Variants in PNO1 observed in about 807,000 individuals in gnomAD.
PNO1 encodes partner of NOB1 homolog.
A neutral mutation model predicts 28.4 loss-of-function variants in PNO1; 16 were observed. That is an observed-to-expected ratio of 0.56 (90% CI 0.38 to 0.85). The LOEUF is 0.85. PNO1 is among the 40% of genes least tolerant of loss of function. The pLI, the probability that PNO1 is intolerant of heterozygous loss-of-function variation, is 0.00. For synonymous variants in PNO1, 115 were observed against 110.8 expected (o/e 1.04, Z -0.24); for missense variants, 304 against 312.2 (o/e 0.97, Z 0.20).
At chr2:68,160,621 C>G (rs1673806808) in intron 2 of PNO1, among the ~76,000 whole-genome samples, 1 of 152,224 alleles carries the variant, frequency 6.6e-6, no homozygotes, top group African/African-American at 2.4e-5. Flanking sequence ...ACACCATGCT[C>G]TACATCATTT....
Position 68,173,269 on chromosome 2 carries a change from G to C in PNO1, c.621-78G>C. ...TGGCCACAAATGATCTACCTGCCTT[G>C]GCCTTCCAAAGTGCTGGGATTACAG... is the stretch of plus-strand genomic sequence containing the variant. On this transcript the variant is annotated intron_variant, in intron 5 of 6. Coordinates refer to ENST00000263657, the MANE Select transcript of PNO1 (RefSeq NM_020143.4). 4 of 852,300 alleles carry C rather than the reference G, an allele frequency of 4.7e-6. No individual in the cohort carries two copies. In the Admixed American group the frequency reaches 7.0e-5, roughly 15 times the overall value. 52.8% of individuals were successfully genotyped at this position (852,300 alleles called of 1,614,324 possible). A position where few individuals can be genotyped will look rare whatever the true frequency, so the allele number is the denominator to read the frequency against.
intron 5 of PNO1, chr2:68,173,083 CTTTTTT>C (rs200879340): frequency 5.4e-3 from 601 of 111,860 alleles, no homozygotes; most frequent in East Asian, 0.022. Context: ...TCTACAATGT[CTTTTTT>C]TTTTTTTTTT....
rs1268556709 is a variant in PNO1 at position 68,176,091 on chromosome 2, G to C, written c.*1289G>C. 6.6e-6 allele frequency: 1 copy of C among 152,154 alleles called. No homozygotes were observed. Among genetic ancestry groups the C allele is most frequent in the African/African-American group, 2.4e-5 (1 of 41,436 alleles). The allele number at this position is 152,154 out of a possible 1,614,324, so 9.4% of individuals were successfully genotyped here. On this transcript the variant is annotated 3_prime_UTR_variant, in exon 7 of 7. Coordinates refer to ENST00000263657, the MANE Select transcript of PNO1 (RefSeq NM_020143.4). ...CATAAGTCTGTTTCTTCTAGTAAAGGTGAAATGATGAAAGAATGCTTTTTT... is the reference window on the plus strand; with the variant it reads ...CATAAGTCTGTTTCTTCTAGTAAAGCTGAAATGATGAAAGAATGCTTTTTT...
Position 68,173,348 on chromosome 2 carries a change from A to C in PNO1, c.622A>C (p.Lys208Gln). 1 of 1,591,092 alleles carries C rather than the reference A, an allele frequency of 6.3e-7. No individual in the cohort carries two copies. Among genetic ancestry groups the C allele is most frequent in the African/African-American group, 1.3e-5 (1 of 74,422 alleles). Residue 208 changes from lysine (K) to glutamine (Q), a missense_variant and splice_region_variant, in exon 6 of 7, where the codon AAA becomes CAA. Coordinates refer to ENST00000263657, the MANE Select transcript of PNO1 (RefSeq NM_020143.4). The part of the protein sequence containing the change: ...TRTRIVLADV[K>Q]VHILGSFQNI... Reference sequence around the variant, plus strand: ...TTTGTCTCATTTTATTTCTTTCAGGAAAGTTCACATCCTTGGCTCCTTCCA... The same window carrying C: ...TTTGTCTCATTTTATTTCTTTCAGGCAAGTTCACATCCTTGGCTCCTTCCA...
At chr2:68,161,131 A>G (rs1673818361) in intron 2 of PNO1, 1 of 459,694 alleles carries the variant, frequency 2.2e-6, no homozygotes, top group Non-Finnish European at 4.5e-6. Flanking sequence ...TAGGCTTTTT[A>G]TGAATAACAG....
At chr2:68,167,449 A>G (rs189201270) in intron 5 of PNO1, among the ~76,000 whole-genome samples, 1 of 152,336 alleles carries the variant, frequency 6.6e-6, no homozygotes, top group Non-Finnish European at 1.5e-5. Flanking sequence ...CATCCAGAAG[A>G]CAGGCCACTG....
At chr2:68,172,807 C>G (rs1464103287) in intron 5 of PNO1, among the ~76,000 whole-genome samples, 3 of 152,212 alleles carry the variant, frequency 2.0e-5, no homozygotes, top group Non-Finnish European at 4.4e-5. Flanking sequence ...AGCCCTGGCA[C>G]ATAAAGCACT....
chr2:68,166,664 C>T (rs1169619600), intron 5 of PNO1, among the ~76,000 whole-genome samples: 1 of 152,186 alleles, frequency 6.6e-6, no homozygotes, highest in Non-Finnish European at 1.5e-5. Context: ...GGGTACCAAT[C>T]CTCTTCCACA....
At chr2:68,173,583 T>TA (rs1197742203) in intron 6 of PNO1, among the ~76,000 whole-genome samples, 166 bp downstream of exon 6, 3 of 147,114 alleles carry the variant, frequency 2.0e-5, no homozygotes, top group African/African-American at 7.6e-5. Flanking sequence ...AGAATTTTTT[T>TA]TTTTTTTTTT....
At chr2:68,168,871 G>GCAACTGCAGGCCTCAGT (rs1674056417) in intron 5 of PNO1, among the ~76,000 whole-genome samples, 1 of 149,288 alleles carries the variant, frequency 6.7e-6, no homozygotes. Flanking sequence ...GTGGGCAACT[G>GCAACTGCAGGCCTCAGT]CAACTGCAGG....
Position 68,162,669 on chromosome 2 carries a change from T to C in PNO1, c.620+6T>C, listed in dbSNP as rs1673867266. On this transcript the variant is annotated splice_donor_region_variant and intron_variant, in intron 5 of 6. Transcript: ENST00000263657. Reference sequence around the variant, plus strand: ...AGGATAGTTTTGGCTGATGTGTAAGTATCTGATCTTGAGAAAATTATTGTC... The same window carrying C: ...AGGATAGTTTTGGCTGATGTGTAAGCATCTGATCTTGAGAAAATTATTGTC... The C allele has an allele frequency of 6.7e-7, 1 of 1,485,798 alleles. No individual in the cohort carries two copies. The highest frequency in any genetic ancestry group is 1.4e-5 in the African/African-American group (1 of 72,410). The allele number at this position is 1,485,798 out of a possible 1,614,324, so 92.0% of individuals were successfully genotyped here. A position where few individuals can be genotyped will look rare whatever the true frequency, so the allele number is the denominator to read the frequency against.
intron 5 of PNO1, among the ~76,000 whole-genome samples, chr2:68,169,093 T>TA (rs1674064848): frequency 6.6e-6 from 1 of 152,030 alleles, no homozygotes; most frequent in African/African-American, 2.4e-5. Context: ...CATGCCCAGC[T>TA]AATTTTTTTG....
chr2:68,164,328 A>G (rs2103675923), intron 5 of PNO1, among the ~76,000 whole-genome samples: 1 of 152,148 alleles, frequency 6.6e-6, no homozygotes, highest in African/African-American at 2.4e-5. Context: ...CTTCTCTACA[A>G]AAAAATACAA....
At chr2:68,167,910 A>G (rs1674032946) in intron 5 of PNO1, among the ~76,000 whole-genome samples, 1 of 152,060 alleles carries the variant, frequency 6.6e-6, no homozygotes, top group Non-Finnish European at 1.5e-5. Flanking sequence ...ATCATATTAG[A>G]CTCTATAGAT....
chr2:68,160,189 T>G (rs1430321656), intron 2 of PNO1, among the ~76,000 whole-genome samples: 1 of 151,928 alleles, frequency 6.6e-6, no homozygotes, highest in Non-Finnish European at 1.5e-5. Context: ...CAGGATGGTC[T>G]TGATCTCCTG....
At chr2:68,169,662 CGTAA>C (rs1236509013) in intron 5 of PNO1, among the ~76,000 whole-genome samples, 5 of 152,056 alleles carry the variant, frequency 3.3e-5, no homozygotes, top group African/African-American at 1.2e-4. Context: ...TGTTTGTGTG[CGTAA>C]GTTTTAATTT....
At chr2:68,159,428 C>G (rs1479483191) in intron 2 of PNO1, among the ~76,000 whole-genome samples, 1 of 151,926 alleles carries the variant, frequency 6.6e-6, no homozygotes, top group East Asian at 1.9e-4. Context: ...AGGCTAGTCT[C>G]GAACTCCTGA....
At chr2:68,162,498 G>T in intron 4 of PNO1, 48 bp from the exon 5 acceptor site, 1 of 1,275,014 alleles carries the variant, frequency 7.8e-7, no homozygotes, top group Non-Finnish European at 1.1e-6. Flanking sequence ...TGGAATGGGT[G>T]GTACACTAGA....
chr2:68,175,175 A>C lies in PNO1; in HGVS notation c.*373A>C, dbSNP rs1389004694. 6.4e-6 allele frequency: 1 copy of C among 156,188 alleles called. No individual in the cohort carries two copies. Among genetic ancestry groups the C allele is most frequent in the African/African-American group, 2.4e-5 (1 of 41,632 alleles). 9.7% of individuals were successfully genotyped at this position (156,188 alleles called of 1,614,324 possible). A position where few individuals can be genotyped will look rare whatever the true frequency, so the allele number is the denominator to read the frequency against. ...TTTATAACTTCATACAAATTTATAA[A>C]CATTTCTTTATAAATTGTAATTTAA... On this transcript the variant is annotated 3_prime_UTR_variant, in exon 7 of 7. Transcript: ENST00000263657.
Sources: allele counts gnomAD v4.1 joint callset (sites outside exome capture counted in the v4.1 genomes callset), GRCh38; gene constraint gnomAD v4.1.1; transcripts MANE v1.5; gene names NCBI Gene and HGNC (gene_info 2026-07-23, HGNC 2026-07-21).